PDE5A: variants seen among roughly 807,000 people sequenced by gnomAD.
PDE5A encodes the protein phosphodiesterase 5A, also known as cGMP-specific 3',5'-cyclic phosphodiesterase.
In PDE5A, 67 loss-of-function variants were observed where a neutral mutation model predicts 110.2. The ratio of observed to expected loss-of-function variants is 0.61; its 90% CI spans 0.50 to 0.75. The LOEUF (loss-of-function observed/expected upper bound fraction) is 0.75, where lower values mean the gene tolerates loss of function less well. Ranked by LOEUF, PDE5A falls within the 30% of genes least tolerant of loss-of-function variation. The pLI, the probability that PDE5A is intolerant of heterozygous loss-of-function variation, is 0.00. For synonymous variants in PDE5A, 328 were observed against 351.2 expected (o/e 0.93, Z 0.74); for missense variants, 862 against 1,045.1 (o/e 0.82, Z 2.42).
chr4:119,587,560 A>T (rs968175632), intron 3 of PDE5A, among the ~76,000 whole-genome samples: 4 of 151,810 alleles, frequency 2.6e-5, no homozygotes, highest in African/African-American at 9.7e-5. Flanking sequence ...ATTTTTTTGT[A>T]TTTTTAGTAG....
chr4:119,585,599 G>A (rs991220007), intron 3 of PDE5A, among the ~76,000 whole-genome samples: 9 of 152,016 alleles, frequency 5.9e-5, no homozygotes, highest in Admixed American at 1.3e-4. Context: ...AAATAAATAT[G>A]GATATATATG....
At chr4:119,547,190 G>T (rs1727163153) in intron 9 of PDE5A, among the ~76,000 whole-genome samples, 1 of 147,542 alleles carries the variant, frequency 6.8e-6, no homozygotes, top group Non-Finnish European at 1.5e-5. Flanking sequence ...GTTAGTATTG[G>T]TTATTACCAA....
At position 119,525,609 on chromosome 4, in the gene PDE5A, C is replaced by G. The variant is rs1726285874; in HGVS notation, c.1719G>C (p.Leu573=). Reference sequence around the variant, plus strand: ...GGTCAGTAAACATCCGAATTGTACACAGTGCTGTTTCCAGATCAGACAGCT... The same window carrying G: ...GGTCAGTAAACATCCGAATTGTACAGAGTGCTGTTTCCAGATCAGACAGCT... ...DFELSDLETA[L]CTIRMFTDLN... is the part of the protein sequence containing the mutation. Residue 573 remains leucine, a synonymous_variant, in exon 12 of 21, where the codon CTG becomes CTC. Coordinates refer to ENST00000354960, the MANE Select transcript of PDE5A (RefSeq NM_001083.4). This position sits in a 1 kb window ranked among gnomAD's most constrained non-coding sequence, Gnocchi z 4.3. The G allele has an allele frequency of 1.2e-6, 2 of 1,613,140 alleles. No homozygotes were observed.
At chr4:119,527,420 G>A (rs1726366060) in intron 11 of PDE5A, 1 of 152,090 alleles carries the variant, frequency 6.6e-6, no homozygotes, top group Admixed American at 6.6e-5. Context: ...CAAGCCATGA[G>A]AAGTCAGAAA....
At chr4:119,553,595 GAAAACAGCCT>G in intron 8 of PDE5A, 33 bp downstream of exon 8, 1 of 950,066 alleles carries the variant, frequency 1.1e-6, no homozygotes. Context: ...GATGTGATGG[GAAAACAGCCT>G]TCTAGCTTCA....
intron 4 of PDE5A, 29 bp from the exon 5 acceptor site, chr4:119,565,439 AC>A (rs1473678223): frequency 1.4e-6 from 2 of 1,478,272 alleles, no homozygotes; most frequent in Non-Finnish European, 1.9e-6. Flanking sequence ...ACAAATAAAA[AC>A]GGTACATAAA....
At position 119,542,626 on chromosome 4, in the gene PDE5A, G is replaced by A; in HGVS notation, c.1405C>T (p.Gln469Ter). 1 of 1,613,398 alleles carries A rather than the reference G, an allele frequency of 6.2e-7. No homozygotes were observed. Among genetic ancestry groups the A allele is most frequent in the Non-Finnish European group, 8.5e-7 (1 of 1,179,630 alleles). ...GKKNKVIGVC[Q>*]LVNKMEENTG... is the part of the protein sequence containing the mutation. Reference sequence around the variant, plus strand: ...TTCTCCTCCATCTTATTAACAAGTTGGCAAACCCCTATAACAATCCGAGAA... The same window carrying A: ...TTCTCCTCCATCTTATTAACAAGTTAGCAAACCCCTATAACAATCCGAGAA... The change falls in exon 10 of 21, where the codon CAA becomes TAA. Residue 469 changes from glutamine (Q) to a stop codon, truncating the protein, a stop_gained. Coordinates refer to ENST00000354960, the MANE Select transcript of PDE5A (RefSeq NM_001083.4). LOFTEE classifies it high-confidence loss of function.
intron 16 of PDE5A, among the ~76,000 whole-genome samples, chr4:119,506,857 G>A (rs1438634220): frequency 6.6e-6 from 1 of 151,724 alleles, no homozygotes; most frequent in Non-Finnish European, 1.5e-5. Flanking sequence ...TTTTTTCTAT[G>A]TGTTTTTACT....
intron 4 of PDE5A, among the ~76,000 whole-genome samples, chr4:119,566,206 A>C (rs1467683921): frequency 1.3e-5 from 2 of 152,220 alleles, no homozygotes; most frequent in South Asian, 4.1e-4. Context: ...CTCGATTTAA[A>C]AAGTATTTGC....
At position 119,507,610 on chromosome 4, in the gene PDE5A, TACA is replaced by T; in HGVS notation, c.2180_2182del (p.Leu727_Tyr728delinsHis). On this transcript the variant is annotated inframe_deletion, in exon 16 of 21. Transcript: ENST00000354960. ...GTTATTTCTTAAAACTTACTTAATG[TACA>T]GTGCTAGGTCTGTAGCTAAAATAGC... 1 of 1,559,238 alleles carries T rather than the reference TACA, an allele frequency of 6.4e-7. No individual in the cohort carries two copies. The highest frequency in any genetic ancestry group is 8.7e-7 in the Non-Finnish European group (1 of 1,150,376).
intron 2 of PDE5A, among the ~76,000 whole-genome samples, chr4:119,597,304 GTTT>G: frequency 6.9e-6 from 1 of 144,976 alleles, no homozygotes; most frequent in South Asian, 2.2e-4. Flanking sequence ...CTCTGTGAGG[GTTT>G]TTTTTTTTTT....
At chr4:119,585,654 A>T (rs1728734843) in intron 3 of PDE5A, among the ~76,000 whole-genome samples, 1 of 152,198 alleles carries the variant, frequency 6.6e-6, no homozygotes, top group Non-Finnish European at 1.5e-5. Flanking sequence ...TATGTCTGGT[A>T]GGTTAAAGTG....
At chr4:119,506,060 C>T (rs1725543537) in intron 16 of PDE5A, 128 bp from the exon 17 acceptor site, 1 of 462,360 alleles carries the variant, frequency 2.2e-6, no homozygotes, top group Non-Finnish European at 3.9e-6. Context: ...ATCTTAGAGC[C>T]CACTATAAAA....
At chr4:119,506,775 A>C (rs1437642032) in intron 16 of PDE5A, among the ~76,000 whole-genome samples, 2 of 151,918 alleles carry the variant, frequency 1.3e-5, no homozygotes, top group African/African-American at 4.8e-5. Context: ...AAATGCTCTA[A>C]AAACCAATTA....
chr4:119,556,008 A>G (rs1352315842), intron 7 of PDE5A, among the ~76,000 whole-genome samples: 2 of 152,234 alleles, frequency 1.3e-5, no homozygotes, highest in African/African-American at 4.8e-5. Context: ...TATATGGGCG[A>G]CAAACTTACA....
At chr4:119,614,895 T>A (rs1451446612) in intron 1 of PDE5A, among the ~76,000 whole-genome samples, 1 of 152,138 alleles carries the variant, frequency 6.6e-6, no homozygotes, top group Non-Finnish European at 1.5e-5. Flanking sequence ...TTCCATTTTA[T>A]CCCTGATAAA....
chr4:119,519,909 C>T (rs1210468041), intron 13 of PDE5A, among the ~76,000 whole-genome samples: 3 of 152,106 alleles, frequency 2.0e-5, no homozygotes, highest in Non-Finnish European at 4.4e-5. Context: ...ATCCAAAATG[C>T]TTCCAAATCT....
intron 19 of PDE5A, 136 bp downstream of exon 19, chr4:119,502,445 C>T: frequency 3.6e-6 from 2 of 552,514 alleles, no homozygotes; most frequent in South Asian, 2.5e-5. Flanking sequence ...ATAATTCTTC[C>T]AATGAGAAAA....
intron 3 of PDE5A, among the ~76,000 whole-genome samples, chr4:119,587,367 T>G (rs1207466347): frequency 5.6e-5 from 8 of 142,238 alleles, no homozygotes; most frequent in Non-Finnish European, 1.1e-4. Flanking sequence ...CACACCCGGC[T>G]AATTTTTTTG....
Sources: gnomAD v4.1 joint callset for allele counts (sites outside exome capture counted in the v4.1 genomes callset) on GRCh38, gnomAD v4.1.1 for gene constraint, Gnocchi (gnomAD v3.1) non-coding constraint, MANE v1.5 for transcripts, NCBI Gene and HGNC (gene_info 2026-07-23, HGNC 2026-07-21) for gene names.